The following GFOD1 variants were observed in gnomAD, a reference collection of about 807,000 sequenced individuals.
The protein encoded by GFOD1 is glucose-fructose oxidoreductase domain-containing protein 1.
GFOD1 carries 9 observed loss-of-function variants against 25.4 expected under a neutral mutation model. The observed-to-expected ratio is 0.35, with a 90% CI of 0.21 to 0.62. The LOEUF (loss-of-function observed/expected upper bound fraction) is 0.62. GFOD1 is among the 20% of genes least tolerant of loss of function. GFOD1 has a pLI of 0.72. For missense variants in GFOD1, 403 were observed against 556.9 expected (o/e 0.72, Z 2.78); for synonymous variants, 253 against 245.6 (o/e 1.03, Z -0.28).
chr6:13,374,903 C>T lies in GFOD1; in HGVS notation c.254-9241G>A, dbSNP rs575532350. Among the ~76,000 whole-genome samples, 168 of 151,716 alleles carry T rather than the reference C, an allele frequency of 1.1e-3. 1 individual carries two copies. Among genetic ancestry groups the T allele is most frequent in the African/African-American group, 3.9e-3 (162 of 41,336 alleles). On this transcript the variant is annotated intron_variant, in intron 1 of 1. Transcript: ENST00000379287. ...GATTATAGGCATGTGCCACCAAGCC[C>T]AGCTAATTTTGTATTTTTTAGTAGA... is the stretch of plus-strand genomic sequence containing the variant.
chr6:13,393,578 T>C (rs1234261129), intron 1 of GFOD1, among the ~76,000 whole-genome samples: 1 of 151,920 alleles, frequency 6.6e-6, no homozygotes, highest in Non-Finnish European at 1.5e-5. Context: ...TCTCCTCCTC[T>C]CATTTCTCAA....
In GFOD1 at chr6:13,365,655, G is replaced by A. The variant is rs1286781887; in HGVS notation, c.261C>T (p.Gly87=). Reference sequence around the variant, plus strand: ...CCGTGCGGTCGCAGATGACGTTCTTGCCGATGCCTGCGGGTGGGAGGAAGA... The same window carrying A: ...CCGTGCGGTCGCAGATGACGTTCTTACCGATGCCTGCGGGTGGGAGGAAGA... The part of the protein sequence containing the change: ...RQIAVKTLGI[G]KNVICDRTAT... Residue 87 remains glycine, a synonymous_variant, in exon 2 of 2, where the codon GGC becomes GGT. Transcript: ENST00000379287. This position sits in a 1 kb window ranked among gnomAD's most constrained non-coding sequence, Gnocchi z 9.2. 1.3e-6 allele frequency: 2 copies of A among 1,593,014 alleles called. No individual in the cohort carries two copies. Among genetic ancestry groups the A allele is most frequent in the East Asian group, 2.2e-5 (1 of 44,730 alleles).
In GFOD1 at chr6:13,365,064, C is replaced by T. The variant is rs140445771; in HGVS notation, c.852G>A (p.Pro284=). ...TCTCCGGAAGCAGGGAGTTGCTCAC[C>T]GGCGTGGCGTCCTGCACCAGCAGCT... The part of the protein sequence containing the change: ...EQELLVQDAT[P]VSNSLLPEKA... Residue 284 remains proline (P), a synonymous_variant, in exon 2 of 2, where the codon CCG becomes CCA. Coordinates refer to ENST00000379287, the MANE Select transcript of GFOD1 (RefSeq NM_018988.4). This position sits in a 1 kb window ranked among gnomAD's most constrained non-coding sequence, Gnocchi z 9.2. 1.2e-3 allele frequency: 1,908 copies of T among 1,611,220 alleles called. No homozygotes were observed. The highest frequency in any genetic ancestry group is 1.5e-3 in the Non-Finnish European group (1,740 of 1,179,882).
At chr6:13,399,788 T>C (rs538450825) in intron 1 of GFOD1, among the ~76,000 whole-genome samples, 1 of 152,332 alleles carries the variant, frequency 6.6e-6, no homozygotes, top group African/African-American at 2.4e-5. Flanking sequence ...TCCGGAATGA[T>C]TGGAAATTTC....
chr6:13,478,711 T>G (rs903184290), intron 1 of GFOD1, among the ~76,000 whole-genome samples: 1 of 152,166 alleles, frequency 6.6e-6, no homozygotes, highest in Non-Finnish European at 1.5e-5. Context: ...TGTTCATATT[T>G]GGGAGCTGCG....
chr6:13,458,498 T>G (rs1341117808), intron 1 of GFOD1, among the ~76,000 whole-genome samples: 4 of 152,004 alleles, frequency 2.6e-5, no homozygotes, highest in Non-Finnish European at 5.9e-5. Flanking sequence ...ACTGAACTCA[T>G]CAGGTGATCT....
chr6:13,472,312 G>A (rs1758526913), intron 1 of GFOD1, among the ~76,000 whole-genome samples: 2 of 152,124 alleles, frequency 1.3e-5, no homozygotes, highest in African/African-American at 4.8e-5. Flanking sequence ...AGCCACATGT[G>A]GCTAATGGCT....
At chr6:13,395,705 A>T (rs61606202) in intron 1 of GFOD1, among the ~76,000 whole-genome samples, 5,027 of 152,266 alleles carry the variant, frequency 0.033, 257 homozygotes, top group African/African-American at 0.11. Flanking sequence ...TTTCCACTTG[A>T]GATAAAGAGC....
intron 1 of GFOD1, among the ~76,000 whole-genome samples, chr6:13,438,830 T>C (rs928271581): frequency 2.6e-5 from 4 of 152,306 alleles, no homozygotes; most frequent in Middle Eastern, 3.4e-3. Flanking sequence ...AACCCCTGAA[T>C]AAGTGAATCT....
intron 1 of GFOD1, among the ~76,000 whole-genome samples, chr6:13,477,481 G>C (rs1470273114): frequency 6.6e-6 from 1 of 151,856 alleles, no homozygotes; most frequent in Non-Finnish European, 1.5e-5. Context: ...AGCAGAAAGG[G>C]ACTATGTCTC....
Position 13,361,770 on chromosome 6 carries a change from CA to C in GFOD1, c.*2972del, listed in dbSNP as rs1480185738. ...CTTCACCTACCTACTACATGCATTTCAGTAGATAAAATTTGAGTACACACAC... is the reference window on the plus strand; with the variant it reads ...CTTCACCTACCTACTACATGCATTTCGTAGATAAAATTTGAGTACACACAC... On this transcript the variant is annotated 3_prime_UTR_variant, in exon 2 of 2. Coordinates refer to ENST00000379287, the MANE Select transcript of GFOD1 (RefSeq NM_018988.4). 6.6e-6 allele frequency: 1 copy of C among 152,196 alleles called. No individual in the cohort carries two copies. The highest frequency in any genetic ancestry group is 2.4e-5 in the African/African-American group (1 of 41,444). 9.4% of individuals were successfully genotyped at this position (152,196 alleles called of 1,614,324 possible). A position where few individuals can be genotyped will look rare whatever the true frequency, so the allele number is the denominator to read the frequency against.
chr6:13,470,094 C>G, intron 1 of GFOD1: 1 of 1,412,254 alleles, frequency 7.1e-7, no homozygotes, highest in Non-Finnish European at 9.5e-7. Context: ...ATGTTGAATT[C>G]GTTTGAAAAA....
chr6:13,466,155 C>G (rs1212196913), intron 1 of GFOD1, among the ~76,000 whole-genome samples: 1 of 152,190 alleles, frequency 6.6e-6, no homozygotes, highest in Non-Finnish European at 1.5e-5. Flanking sequence ...CTCCTTCATT[C>G]TCTGCTAATC....
intron 1 of GFOD1, among the ~76,000 whole-genome samples, chr6:13,454,291 C>T (rs1562223969): frequency 1.3e-5 from 2 of 152,192 alleles, no homozygotes; most frequent in South Asian, 2.1e-4. Flanking sequence ...AAATTAATTT[C>T]TGTTGTTTAA....
intron 1 of GFOD1, among the ~76,000 whole-genome samples, chr6:13,459,460 G>A (rs965207652): frequency 3.9e-5 from 6 of 151,950 alleles, no homozygotes. Flanking sequence ...AAGATTTTAT[G>A]ATGAAACTGC....
Position 13,365,343 on chromosome 6 carries a change from C to G in GFOD1, c.573G>C (p.Lys191Asn). The change falls in exon 2 of 2, where the codon AAG becomes AAC. Residue 191 changes from lysine (K) to asparagine (N), a missense_variant. Physicochemically the swap from Lys to Asn is moderately conservative, Grantham distance 94. Transcript: ENST00000379287. This position sits in a 1 kb window ranked among gnomAD's most constrained non-coding sequence, Gnocchi z 9.2. Reference protein sequence around the residue: ...IDLLTFLTGQKAVKVHGLLKT... With the variant: ...IDLLTFLTGQNAVKVHGLLKT... ...TGAGCAGCCCGTGGACCTTGACGGC[C>G]TTTTGGCCGGTGAGGAAGGTGAGCA... 6.2e-7 allele frequency: 1 copy of G among 1,614,218 alleles called. No homozygotes were observed. The highest frequency in any genetic ancestry group is 8.5e-7 in the Non-Finnish European group (1 of 1,180,040).
intron 1 of GFOD1, among the ~76,000 whole-genome samples, chr6:13,414,823 A>C (rs1382885736): frequency 6.6e-6 from 1 of 152,188 alleles, no homozygotes; most frequent in African/African-American, 2.4e-5. Context: ...TTTTCATGTT[A>C]AATTAGATTT....
intron 1 of GFOD1, among the ~76,000 whole-genome samples, chr6:13,446,919 C>G (rs997996846): frequency 1.3e-5 from 2 of 152,194 alleles, no homozygotes; most frequent in African/African-American, 4.8e-5. Context: ...AGATGGTTTC[C>G]CCAATTCTGA....
rs541451525 is a variant in GFOD1 at position 13,364,192 on chromosome 6, C to T, written c.*551G>A. On this transcript the variant is annotated 3_prime_UTR_variant, in exon 2 of 2. Coordinates refer to ENST00000379287, the MANE Select transcript of GFOD1 (RefSeq NM_018988.4). The surrounding 1 kb of genome is among the most constrained non-coding windows in gnomAD (Gnocchi z 4.1). The stretch of plus-strand genomic sequence containing the variant: ...TACTAAGTACTTTTGCCGTTAGATA[C>T]CTTATATCCAATAAAAAGTGGCTTC... The T allele has an allele frequency of 6.4e-6, 1 of 156,526 alleles. No homozygotes were observed. Among genetic ancestry groups the T allele is most frequent in the Non-Finnish European group, 1.4e-5 (1 of 70,572 alleles). The allele number at this position is 156,526 out of a possible 1,614,324, so 9.7% of individuals were successfully genotyped here.
Sources: allele counts gnomAD v4.1 joint callset (sites outside exome capture counted in the v4.1 genomes callset), GRCh38; gene constraint gnomAD v4.1.1; non-coding constraint Gnocchi (gnomAD v3.1); transcripts MANE v1.5; gene names NCBI Gene and HGNC (gene_info 2026-07-23, HGNC 2026-07-21).